Variants in CALN1 observed in about 807,000 individuals in gnomAD.
CALN1 encodes the protein calneuron 1.
In CALN1, 17 loss-of-function variants were observed where a neutral mutation model predicts 30.6. The observed-to-expected ratio is 0.56, with a 90% CI of 0.38 to 0.83. CALN1 has a LOEUF of 0.83. Among genes scored for constraint, CALN1 ranks in the 40% least tolerant of loss-of-function variants. The probability of loss-of-function intolerance (pLI) is 0.00; values close to 1 mark genes in which losing one functional copy is unlikely to be tolerated. For synonymous variants in CALN1, 156 were observed against 131.4 expected, an observed-to-expected ratio of 1.19 and a Z score of -1.28; for missense variants, 291 against 354.9, an observed-to-expected ratio of 0.82 and a Z score of 1.45.
At chr7:72,255,621 G>C (rs1251312563) in intron 3 of CALN1, among the ~76,000 whole-genome samples, 1 of 149,964 alleles carries the variant, frequency 6.7e-6, no homozygotes, top group African/African-American at 2.5e-5. Flanking sequence ...TTGCCACATA[G>C]GCCAGGCTGG....
intron 4 of CALN1, among the ~76,000 whole-genome samples, chr7:72,067,843 G>C (rs779851805): frequency 1.2e-4 from 18 of 152,262 alleles, no homozygotes; most frequent in Non-Finnish European, 2.5e-4. Context: ...ATCTGCATTT[G>C]GTGGCAGATA....
At chr7:72,255,597 G>A (rs1795856847) in intron 3 of CALN1, among the ~76,000 whole-genome samples, 2 of 150,250 alleles carry the variant, frequency 1.3e-5, no homozygotes, top group Admixed American at 1.3e-4. Context: ...TATATTTTTA[G>A]TAGAAACAGG....
intron 5 of CALN1, among the ~76,000 whole-genome samples, chr7:71,964,778 G>C (rs1485794916): frequency 6.6e-6 from 1 of 152,120 alleles, no homozygotes; most frequent in East Asian, 1.9e-4. Context: ...GTTTCCCTCT[G>C]TATAAATGAT....
At chr7:72,062,791 C>T (rs942441177) in intron 4 of CALN1, among the ~76,000 whole-genome samples, 5 of 152,050 alleles carry the variant, frequency 3.3e-5, no homozygotes, top group East Asian at 1.9e-4. Flanking sequence ...AAGACACATC[C>T]TAAATAGTCC....
chr7:71,952,787 G>T (rs529432156), intron 5 of CALN1, among the ~76,000 whole-genome samples: 89 of 152,190 alleles, frequency 5.8e-4, no homozygotes, highest in African/African-American at 2.0e-3. Context: ...TGTCGGCTCG[G>T]CCCCTGTAGG....
chr7:72,009,608 G>C (rs953853279), intron 5 of CALN1, among the ~76,000 whole-genome samples: 1 of 152,160 alleles, frequency 6.6e-6, no homozygotes, highest in African/African-American at 2.4e-5. Context: ...ATCTCATCTT[G>C]AATTGAAGCT....
At chr7:72,420,601 C>G (rs998951476) in intron 1 of CALN1, among the ~76,000 whole-genome samples, 6 of 151,588 alleles carry the variant, frequency 4.0e-5, no homozygotes, top group Non-Finnish European at 8.8e-5. Flanking sequence ...CAGGCCTGCT[C>G]CAGGCTGATC....
intron 3 of CALN1, among the ~76,000 whole-genome samples, chr7:72,206,415 C>T (rs983722391): frequency 2.6e-5 from 4 of 152,232 alleles, no homozygotes; most frequent in Non-Finnish European, 4.4e-5. Context: ...TGCATAGATT[C>T]GCTGTAATAT....
intron 5 of CALN1, among the ~76,000 whole-genome samples, chr7:71,904,591 A>C (rs756754194): frequency 6.6e-6 from 1 of 152,196 alleles, no homozygotes; most frequent in Non-Finnish European, 1.5e-5. Context: ...AGAACACATA[A>C]TTACAGTTTG....
chr7:72,218,541 T>G (rs2129549018), intron 3 of CALN1, among the ~76,000 whole-genome samples: 2 of 152,240 alleles, frequency 1.3e-5, no homozygotes, highest in South Asian at 4.1e-4. Flanking sequence ...ATTTGTTGCT[T>G]TTTCTGTTGT....
intron 4 of CALN1, among the ~76,000 whole-genome samples, chr7:72,048,044 T>C (rs1311024721): frequency 1.7e-4 from 26 of 149,244 alleles, no homozygotes; most frequent in African/African-American, 2.7e-4. Flanking sequence ...TCTTCTTCTT[T>C]TTTTTTTTTT....
intron 5 of CALN1, among the ~76,000 whole-genome samples, chr7:71,936,635 T>C (rs985360209): frequency 6.6e-6 from 1 of 152,120 alleles, no homozygotes; most frequent in African/African-American, 2.4e-5. Context: ...TGAACTGCCC[T>C]TGTTTCTAAG....
intron 3 of CALN1, among the ~76,000 whole-genome samples, chr7:72,208,466 G>T (rs966728249): frequency 6.6e-6 from 1 of 152,148 alleles, no homozygotes; most frequent in African/African-American, 2.4e-5. Context: ...CATGTCCATG[G>T]AAGACTGCAG....
intron 1 of CALN1, among the ~76,000 whole-genome samples, chr7:72,420,954 T>C (rs1807588642): frequency 1.3e-5 from 2 of 152,062 alleles, no homozygotes; most frequent in African/African-American, 4.8e-5. Flanking sequence ...GCCTTTTTCA[T>C]ATAATAACTT....
At chr7:72,480,101 T>C in the CALN1 span, among the ~76,000 whole-genome samples, 1 of 152,262 alleles carries the variant, frequency 6.6e-6, no homozygotes, top group African/African-American at 2.4e-5. Context: ...ATGCCTTTCA[T>C]TTCTTGTTCT....
At chr7:71,955,340 T>C (rs1457596209) in intron 5 of CALN1, among the ~76,000 whole-genome samples, 1 of 152,010 alleles carries the variant, frequency 6.6e-6, no homozygotes, top group Admixed American at 6.6e-5. Context: ...AAGATGAGAT[T>C]TGGGTGGAGA....
chr7:71,789,685 T>C (rs1056806520), intron 6 of CALN1, among the ~76,000 whole-genome samples: 1 of 152,184 alleles, frequency 6.6e-6, no homozygotes, highest in African/African-American at 2.4e-5. Flanking sequence ...GGTTTCGTTC[T>C]CTTAATCTTT....
chr7:72,423,825 A>AAG (rs978015368), intron 1 of CALN1, among the ~76,000 whole-genome samples: 1 of 151,646 alleles, frequency 6.6e-6, no homozygotes, highest in Admixed American at 6.6e-5. Flanking sequence ...TCAAAAAAAA[A>AAG]AGAGAGAGAG....
intron 3 of CALN1, among the ~76,000 whole-genome samples, chr7:72,205,566 A>ATATATATACACATATATATATATACG (rs1169550933): frequency 2.7e-4 from 31 of 115,562 alleles, no homozygotes; most frequent in African/African-American, 1.1e-3. Flanking sequence ...ATATATATAT[A>ATATATATACACATATATATATATACG]TGTATATATA....
Sources: allele counts gnomAD v4.1 joint callset (sites outside exome capture counted in the v4.1 genomes callset), GRCh38; gene constraint gnomAD v4.1.1; transcripts MANE v1.5; gene names NCBI Gene and HGNC (gene_info 2026-07-23, HGNC 2026-07-21).